ASAP1: variants seen among roughly 807,000 people sequenced by gnomAD.
ASAP1 encodes arf-GAP with SH3 domain, ANK repeat and PH domain-containing protein 1.
ASAP1 carries 43 observed loss-of-function variants against 145.2 expected under a neutral mutation model. The ratio of observed to expected loss-of-function variants is 0.30; its 90% CI spans 0.23 to 0.38. The LOEUF is 0.38. Among genes scored for constraint, ASAP1 ranks in the 10% least tolerant of loss-of-function variants. The pLI is 1.00. For synonymous variants in ASAP1, 546 were observed against 515.5 expected (o/e 1.06, Z -0.80); for missense variants, 1,018 against 1,355.3 (o/e 0.75, Z 3.91).
chr8:130,361,665 C>A (rs1386338657), intron 2 of ASAP1: 1 of 1,520,602 alleles, frequency 6.6e-7, no homozygotes, highest in South Asian at 1.2e-5. Context: ...CACACCTCTA[C>A]TCACCATTTC....
intron 13 of ASAP1, 27 bp from the exon 14 acceptor site, chr8:130,137,065 T>C: frequency 6.3e-7 from 1 of 1,578,642 alleles, no homozygotes; most frequent in Non-Finnish European, 8.7e-7. Flanking sequence ...AATGGAGAAG[T>C]TACATGCAGC....
chr8:130,070,427 G>A (rs1353452777), intron 27 of ASAP1, among the ~76,000 whole-genome samples: 1 of 152,162 alleles, frequency 6.6e-6, no homozygotes, highest in African/African-American at 2.4e-5. Context: ...TAAAACAGAA[G>A]GCATGTAAAT....
Position 130,391,517 on chromosome 8 carries a change from G to A in ASAP1, c.59+10368C>T, listed in dbSNP as rs144248211. Among the ~76,000 whole-genome samples the A allele has an allele frequency of 6.7e-3, 1,013 of 152,258 alleles. 12 individuals are homozygous for A. Among genetic ancestry groups the A allele is most frequent in the African/African-American group, 0.022 (921 of 41,546 alleles). On this transcript the variant is annotated intron_variant, in intron 2 of 29. Transcript: ENST00000518721. ...AAAGCATTCACTACTACCAACCAGA[G>A]AAAATATATCAGTCCTCATGGCTTT...
chr8:130,352,179 T>C lies in ASAP1; in HGVS notation c.186+5838A>G, dbSNP rs137939866. 6.4e-4 allele frequency among the ~76,000 whole-genome samples: 97 copies of C among 151,090 alleles called. 1 individual carries two copies. The highest frequency in any genetic ancestry group is 2.3e-3 in the African/African-American group (93 of 41,162). On this transcript the variant is annotated intron_variant, in intron 3 of 29. Transcript: ENST00000518721. ...ACTTTCTCTACATTAAGCAAAAGTA[T>C]AAATCTTGATTTTAGCTAAATCCTT...
chr8:130,171,728 C>A (rs570188632), intron 9 of ASAP1, among the ~76,000 whole-genome samples: 1 of 152,200 alleles, frequency 6.6e-6, no homozygotes. Flanking sequence ...GTCAAAGCAG[C>A]GGCTTCATTG....
At chr8:130,305,410 GATCTCGGC>G (rs1469752359) in intron 3 of ASAP1, among the ~76,000 whole-genome samples, 2 of 152,136 alleles carry the variant, frequency 1.3e-5, no homozygotes, top group Non-Finnish European at 2.9e-5. Flanking sequence ...CCAGTGGTGC[GATCTCGGC>G]TCACCGCAAG....
intron 26 of ASAP1, among the ~76,000 whole-genome samples, chr8:130,077,889 G>A (rs1396777426): frequency 1.3e-5 from 2 of 152,096 alleles, no homozygotes; most frequent in East Asian, 3.9e-4. Flanking sequence ...AACATGAGAG[G>A]GCTTTGTTTC....
At chr8:130,103,704 T>C (rs1029430194) in intron 24 of ASAP1, among the ~76,000 whole-genome samples, 3 of 152,160 alleles carry the variant, frequency 2.0e-5, no homozygotes, top group African/African-American at 7.2e-5. Flanking sequence ...GGTTTCACCA[T>C]GTTGGCCAGG....
At chr8:130,354,375 T>C (rs1252323018) in intron 3 of ASAP1, among the ~76,000 whole-genome samples, 2 of 152,190 alleles carry the variant, frequency 1.3e-5, no homozygotes, top group African/African-American at 4.8e-5. Context: ...AGGCCTGGTA[T>C]GGAGCAGCTG....
intron 4 of ASAP1, 127 bp from the exon 5 acceptor site, chr8:130,214,828 A>G (rs1816797533): frequency 2.6e-6 from 2 of 771,236 alleles, no homozygotes; most frequent in African/African-American, 3.5e-5. Flanking sequence ...TTTATTGCAC[A>G]TGTCCCAAAG....
At chr8:130,232,334 T>C (rs779289356) in intron 4 of ASAP1, among the ~76,000 whole-genome samples, 3 of 152,154 alleles carry the variant, frequency 2.0e-5, no homozygotes, top group Non-Finnish European at 4.4e-5. Context: ...TTTAATCATA[T>C]ATTAGCAAAA....
At chr8:130,420,235 TACACAC>T (rs34138357) in intron 1 of ASAP1, among the ~76,000 whole-genome samples, 25,746 of 139,232 alleles carry the variant, frequency 0.18, 2,431 homozygotes, top group Admixed American at 0.27. Context: ...CATAATGAAA[TACACAC>T]ACACACACAC....
In ASAP1 at chr8:130,357,886, C is replaced by T. The variant is rs1467393273; in HGVS notation, c.186+131G>A. ...CCGCCCGTCCGAAGTCCCTTATTCA[C>T]CCGGCGGCTCCCTGAGGGGGTGTGG... On this transcript the variant is annotated intron_variant, in intron 3 of 29. Coordinates refer to ENST00000518721, the MANE Select transcript of ASAP1 (RefSeq NM_018482.4). The T allele has an allele frequency of 3.1e-6, 4 of 1,278,664 alleles. No homozygotes were observed. In the African/African-American group the frequency reaches 6.0e-5, roughly 19 times the overall value. 79.2% of individuals were successfully genotyped at this position (1,278,664 alleles called of 1,614,324 possible). A position where few individuals can be genotyped will look rare whatever the true frequency, so the allele number is the denominator to read the frequency against.
intron 18 of ASAP1, among the ~76,000 whole-genome samples, chr8:130,119,256 ATTT>A (rs2097561570): frequency 6.6e-6 from 1 of 152,014 alleles, no homozygotes; most frequent in African/African-American, 2.4e-5. Context: ...ATAACTCTCT[ATTT>A]TATAGGTGAG....
At chr8:130,400,040 G>A (rs1468990661) in intron 2 of ASAP1, among the ~76,000 whole-genome samples, 3 of 151,972 alleles carry the variant, frequency 2.0e-5, no homozygotes, top group African/African-American at 4.8e-5. Context: ...GGCTGGTCTC[G>A]AACTCCCAAC....
intron 1 of ASAP1, among the ~76,000 whole-genome samples, chr8:130,408,136 C>A (rs1829114017): frequency 6.6e-6 from 1 of 152,224 alleles, no homozygotes; most frequent in Non-Finnish European, 1.5e-5. Flanking sequence ...AATCTATCCA[C>A]TTGTGAACTC....
intron 29 of ASAP1, 72 bp from the exon 30 acceptor site, chr8:130,054,877 G>C: frequency 8.1e-7 from 1 of 1,232,666 alleles, no homozygotes. Flanking sequence ...CAGTGGGTAA[G>C]AGCCCAGCCT....
chr8:130,215,975 AAAAGGAAAGGAAAGGAAAGG>A (rs201649133), intron 4 of ASAP1, among the ~76,000 whole-genome samples: 1 of 128,264 alleles, frequency 7.8e-6, no homozygotes, highest in African/African-American at 3.1e-5. Context: ...AAGAAAAAGA[AAAAGGAAAGGAAAGGAAAGG>A]AAAGGAAAGG....
At chr8:130,067,497 G>A (rs1202197542) in intron 27 of ASAP1, among the ~76,000 whole-genome samples, 1 of 152,192 alleles carries the variant, frequency 6.6e-6, no homozygotes, top group African/African-American at 2.4e-5. Flanking sequence ...TTGGGTCCAA[G>A]AGATCCTCCA....
Sources: gnomAD v4.1 joint callset for allele counts (sites outside exome capture counted in the v4.1 genomes callset) on GRCh38, gnomAD v4.1.1 for gene constraint, MANE v1.5 for transcripts, NCBI Gene and HGNC (gene_info 2026-07-23, HGNC 2026-07-21) for gene names.